The following CLCN3 variants were observed in gnomAD, a reference collection of about 807,000 sequenced individuals.
The protein encoded by CLCN3 is H(+)/Cl(-) exchange transporter 3.
Under a neutral mutation model 83.4 loss-of-function variants are expected in CLCN3, and 16 were observed. The observed-to-expected ratio is 0.19, with a 90% CI of 0.13 to 0.29. The LOEUF is 0.29. CLCN3 is among the 10% of genes least tolerant of loss of function. The probability of loss-of-function intolerance (pLI) is 1.00; values close to 1 mark genes in which losing one functional copy is unlikely to be tolerated. For synonymous variants in CLCN3, 322 were observed against 346.2 expected (o/e 0.93, Z 0.78); for missense variants, 544 against 1,006.0 (o/e 0.54, Z 6.21).
At chr4:169,702,918 T>C (rs1458876818) in intron 9 of CLCN3, 1 of 178,022 alleles carries the variant, frequency 5.6e-6, no homozygotes, top group Non-Finnish European at 1.3e-5. Flanking sequence ...GAGACCATTG[T>C]AGGGTTCTTA....
chr4:169,637,625 C>T (rs1339273873), intron 2 of CLCN3, among the ~76,000 whole-genome samples: 1 of 151,988 alleles, frequency 6.6e-6, no homozygotes, highest in Admixed American at 6.6e-5. Flanking sequence ...TTTTTCTTTT[C>T]CTTTATTCTT....
At chr4:169,642,481 A>G (rs1372039244) in intron 2 of CLCN3, among the ~76,000 whole-genome samples, 1 of 152,148 alleles carries the variant, frequency 6.6e-6, no homozygotes, top group East Asian at 1.9e-4. Flanking sequence ...AAAATTTCAC[A>G]GGGCTTTGTT....
intron 2 of CLCN3, among the ~76,000 whole-genome samples, chr4:169,640,615 T>C (rs1730386095): frequency 6.6e-6 from 1 of 152,184 alleles, no homozygotes; most frequent in Admixed American, 6.5e-5. Context: ...TGGTCAATAA[T>C]TCAGATTCCA....
intron 11 of CLCN3, among the ~76,000 whole-genome samples, chr4:169,708,528 C>G (rs1733077414): frequency 6.6e-6 from 1 of 152,070 alleles, no homozygotes. Flanking sequence ...ATGGCTAGAC[C>G]CAGTCAAAAG....
chr4:169,668,571 G>T (rs1353481906), intron 2 of CLCN3, among the ~76,000 whole-genome samples: 1 of 152,126 alleles, frequency 6.6e-6, no homozygotes, highest in Non-Finnish European at 1.5e-5. Context: ...ACCTCAAAGT[G>T]CAGTAAAGTC....
At chr4:169,693,581 A>G (rs1421076273) in intron 7 of CLCN3, among the ~76,000 whole-genome samples, 2 of 152,120 alleles carry the variant, frequency 1.3e-5, no homozygotes, top group African/African-American at 4.8e-5. Flanking sequence ...ACCTACTTAC[A>G]TTACTGCCCT....
At chr4:169,714,347 A>G (rs1733344944) in intron 12 of CLCN3, among the ~76,000 whole-genome samples, 1 of 152,030 alleles carries the variant, frequency 6.6e-6, no homozygotes, top group Admixed American at 6.6e-5. Context: ...ACTCCTGTCC[A>G]GAGAAAGGAG....
chr4:169,669,372 T>C (rs1210483905), intron 2 of CLCN3, among the ~76,000 whole-genome samples: 1 of 152,122 alleles, frequency 6.6e-6, no homozygotes, highest in African/African-American at 2.4e-5. Flanking sequence ...TTGCCTGCAG[T>C]CCCAACTACT....
At chr4:169,665,679 G>C (rs533200368) in intron 2 of CLCN3, among the ~76,000 whole-genome samples, 2 of 151,908 alleles carry the variant, frequency 1.3e-5, no homozygotes, top group East Asian at 3.9e-4. Flanking sequence ...GGAATACATA[G>C]TATTTTGGAT....
At chr4:169,660,831 G>A (rs1219649108) in intron 2 of CLCN3, among the ~76,000 whole-genome samples, 2 of 152,204 alleles carry the variant, frequency 1.3e-5, no homozygotes, top group East Asian at 3.9e-4. Context: ...AGAGAAATCA[G>A]GTGCCTATGT....
In CLCN3 at chr4:169,720,320, A is replaced by T. The variant is rs1032495653; in HGVS notation, c.*323A>T. The stretch of plus-strand genomic sequence containing the variant: ...AGTGCAGGCTTGCGCCTCAACAGAG[A>T]TGACAGCAGAGTCCTCGAGCACCTG... On this transcript the variant is annotated 3_prime_UTR_variant, in exon 13 of 13. Transcript: ENST00000513761. 7 of 351,114 alleles carry T rather than the reference A, an allele frequency of 2.0e-5. No individual in the cohort carries two copies. The highest frequency in any genetic ancestry group is 1.5e-4 in the African/African-American group (7 of 47,558). The allele number at this position is 351,114 out of a possible 1,614,324, so 21.7% of individuals were successfully genotyped here.
intron 2 of CLCN3, 91 bp from the exon 3 acceptor site, chr4:169,679,959 T>A: frequency 2.0e-6 from 2 of 1,011,694 alleles, no homozygotes; most frequent in Non-Finnish European, 3.1e-6. Context: ...GGATTATTTC[T>A]GTATGACTTA....
chr4:169,697,266 C>T lies in CLCN3; in HGVS notation c.1095C>T (p.Ser365=), dbSNP rs1732601254. The part of the protein sequence containing the change: ...AALVAAFVLR[S]INPFGNSRLV... ...TAGTGGCTGCATTTGTTTTGAGGTC[C>T]ATCAATCCATTTGGTAACAGCCGTC... is the stretch of plus-strand genomic sequence containing the variant. Residue 365 remains serine (S), a synonymous_variant, in exon 9 of 13, where the codon TCC becomes TCT. Transcript: ENST00000513761. The T allele has an allele frequency of 6.2e-7, 1 of 1,613,228 alleles. No homozygotes were observed. The highest frequency in any genetic ancestry group is 1.7e-5 in the Admixed American group (1 of 59,914).
At chr4:169,660,965 T>C (rs1298006636) in intron 2 of CLCN3, among the ~76,000 whole-genome samples, 4 of 152,346 alleles carry the variant, frequency 2.6e-5, no homozygotes, top group African/African-American at 9.6e-5. Flanking sequence ...ATAATTTCTA[T>C]ATTAATACTT....
At chr4:169,634,899 A>T (rs1227276859) in intron 1 of CLCN3, among the ~76,000 whole-genome samples, 3 of 152,194 alleles carry the variant, frequency 2.0e-5, no homozygotes, top group African/African-American at 7.2e-5. Flanking sequence ...TCTGTTTAAA[A>T]GATATTTATT....
chr4:169,644,687 G>T (rs1730522098), intron 2 of CLCN3, among the ~76,000 whole-genome samples: 1 of 151,722 alleles, frequency 6.6e-6, no homozygotes, highest in Non-Finnish European at 1.5e-5. Flanking sequence ...GCTTAATAAT[G>T]GCCATCCCCA....
chr4:169,656,395 CTT>C (rs1730885682), intron 2 of CLCN3, among the ~76,000 whole-genome samples: 1 of 152,134 alleles, frequency 6.6e-6, no homozygotes, highest in Admixed American at 6.6e-5. Context: ...GTGCTACACA[CTT>C]TTAAAGAACC....
At chr4:169,657,189 A>C (rs550689719) in intron 2 of CLCN3, among the ~76,000 whole-genome samples, 2 of 152,306 alleles carry the variant, frequency 1.3e-5, no homozygotes, top group South Asian at 4.1e-4. Flanking sequence ...GATTCTTTTA[A>C]AGGTCATTAT....
rs1397641733 is a variant in CLCN3 at position 169,721,448 on chromosome 4, A to T, written c.*1451A>T. The T allele has an allele frequency of 6.6e-6, 1 of 152,162 alleles. No individual in the cohort carries two copies. The highest frequency in any genetic ancestry group is 1.5e-5 in the Non-Finnish European group (1 of 68,012). 9.4% of individuals were successfully genotyped at this position (152,162 alleles called of 1,614,324 possible). The stretch of plus-strand genomic sequence containing the variant: ...TGTCCATTTTGACCCATTAACTGGA[A>T]AGTTGAAAAACTACATTAACTGGAA... On this transcript the variant is annotated 3_prime_UTR_variant, in exon 13 of 13. Transcript: ENST00000513761.
Sources: allele counts gnomAD v4.1 joint callset (sites outside exome capture counted in the v4.1 genomes callset), GRCh38; gene constraint gnomAD v4.1.1; transcripts MANE v1.5; gene names NCBI Gene and HGNC (gene_info 2026-07-23, HGNC 2026-07-21).